VWF: variants seen among roughly 807,000 people sequenced by gnomAD.
VWF encodes Factor VIII related antigen.
A neutral mutation model predicts 308.6 loss-of-function variants in VWF; 176 were observed. The observed-to-expected ratio is 0.57, with a 90% CI of 0.50 to 0.65. VWF has a LOEUF of 0.65. VWF is among the 30% of genes least tolerant of loss of function. VWF has a pLI of 0.00. For synonymous variants in VWF, 1,385 were observed against 1,443.4 expected, an observed-to-expected ratio of 0.96 and a Z score of 0.92; for missense variants, 3,146 against 3,648.2, an observed-to-expected ratio of 0.86 and a Z score of 3.55.
intron 18 of VWF, among the ~76,000 whole-genome samples, chr12:6,037,953 T>C (rs216333): frequency 0.7 from 106,787 of 152,086 alleles, 37,743 homozygotes; most frequent in East Asian, 0.79. Flanking sequence ...CTGCTTAATG[T>C]CATCTTCACC....
chr12:6,019,865 G>T lies in VWF; in HGVS notation c.3675-122C>A. 1 of 1,144,598 alleles carries T rather than the reference G, an allele frequency of 8.7e-7. No homozygotes were observed. The highest frequency in any genetic ancestry group is 2.0e-5 in the Admixed American group (1 of 50,494). 70.9% of individuals were successfully genotyped at this position (1,144,598 alleles called of 1,614,324 possible). A position where few individuals can be genotyped will look rare whatever the true frequency, so the allele number is the denominator to read the frequency against. ...TCTCCTCTGTTCCACCTGAACTTGA[G>T]ATCCCATGGACCATTCCACATCCAA... On this transcript the variant is annotated intron_variant, in intron 27 of 51. Coordinates refer to ENST00000261405, the MANE Select transcript of VWF (RefSeq NM_000552.5). This position sits in a 1 kb window ranked among gnomAD's most constrained non-coding sequence, Gnocchi z 5.8.
At position 6,052,721 on chromosome 12, in the gene VWF, G is replaced by A. The variant is rs746961815; in HGVS notation, c.2008C>T (p.Arg670Cys). ...TCCTCATCCGGGTAAGAGAGAGAGC[G>A]GCAGGTCAGGTTGCAGGGGGTCCCG... is the stretch of plus-strand genomic sequence containing the variant. ...QCGTPCNLTC[R>C]SLSYPDEECN... is the part of the protein sequence containing the mutation. Residue 670 changes from arginine to cysteine, a missense_variant, in exon 16 of 52, where the codon CGC becomes TGC. By Grantham distance (180) the Arg-to-Cys change is radical. Coordinates refer to ENST00000261405, the MANE Select transcript of VWF (RefSeq NM_000552.5). The A allele has an allele frequency of 1.5e-5, 25 of 1,614,070 alleles. No individual in the cohort carries two copies. The highest frequency in any genetic ancestry group is 6.7e-5 in the East Asian group (3 of 44,886).
chr12:6,028,798 G>T (rs541565053), intron 22 of VWF, among the ~76,000 whole-genome samples: 7 of 152,316 alleles, frequency 4.6e-5, no homozygotes, highest in Admixed American at 1.3e-4. Context: ...ACCAGCCACT[G>T]CAAAAACATG....
At chr12:6,103,375 TGTGTATACAC>T (rs1945191361) in intron 5 of VWF, among the ~76,000 whole-genome samples, 1 of 139,400 alleles carries the variant, frequency 7.2e-6, no homozygotes, top group African/African-American at 2.9e-5. Context: ...TATGTGTGTG[TGTGTATACAC>T]GTGTGTGTAT....
intron 17 of VWF, among the ~76,000 whole-genome samples, chr12:6,044,737 T>C (rs1367049013): frequency 6.6e-6 from 1 of 152,190 alleles, no homozygotes; most frequent in Admixed American, 6.5e-5. Flanking sequence ...TATAGCAGGT[T>C]ACATTGAATC....
chr12:6,101,343 A>G (rs1421131894), intron 5 of VWF, among the ~76,000 whole-genome samples: 1 of 152,158 alleles, frequency 6.6e-6, no homozygotes, highest in Non-Finnish European at 1.5e-5. Flanking sequence ...AGCTGGGAAG[A>G]GATACACACA....
intron 34 of VWF, among the ~76,000 whole-genome samples, chr12:5,998,713 ATTTATT>A (rs904754225): frequency 5.9e-5 from 9 of 151,820 alleles, no homozygotes; most frequent in African/African-American, 9.7e-5. Context: ...CCCAAATTTT[ATTTATT>A]TTTATTTTTA....
chr12:6,032,402 G>A (rs1420159638), intron 20 of VWF, among the ~76,000 whole-genome samples: 3 of 151,748 alleles, frequency 2.0e-5, no homozygotes, highest in Non-Finnish European at 4.4e-5. Context: ...CACTTTGGGA[G>A]GCTGAGGCGG....
chr12:6,092,709 C>T (rs1945063404), intron 6 of VWF, among the ~76,000 whole-genome samples: 1 of 148,138 alleles, frequency 6.8e-6, no homozygotes, highest in South Asian at 2.2e-4. Context: ...AGACCACCAA[C>T]CACGGAATGG....
At chr12:6,073,836 C>G in intron 7 of VWF, 95 bp from the exon 8 acceptor site, 1 of 1,572,272 alleles carries the variant, frequency 6.4e-7, no homozygotes, top group Admixed American at 1.8e-5. Flanking sequence ...CGTGCCCACT[C>G]TGACTGCTCC....
intron 6 of VWF, among the ~76,000 whole-genome samples, chr12:6,076,675 T>C (rs1053282718): frequency 6.6e-6 from 1 of 152,166 alleles, no homozygotes; most frequent in African/African-American, 2.4e-5. Context: ...AAGGGTAAAC[T>C]GGAGCCAGTT....
At chr12:5,962,125 T>C (rs1180055330) in intron 47 of VWF, among the ~76,000 whole-genome samples, 1 of 152,142 alleles carries the variant, frequency 6.6e-6, no homozygotes, top group Non-Finnish European at 1.5e-5. Flanking sequence ...GTGAAAAAAT[T>C]AATTTCTGTT....
intron 3 of VWF, 65 bp downstream of exon 3, chr12:6,121,109 C>G: frequency 3.7e-6 from 6 of 1,606,406 alleles, no homozygotes; most frequent in Non-Finnish European, 5.1e-6. Context: ...GAATCCTCCC[C>G]CACACCAGGG....
At position 6,110,916 on chromosome 12, in the gene VWF, A is replaced by G. The variant is rs1321776726; in HGVS notation, c.273T>C (p.Phe91=). 1.2e-6 allele frequency: 2 copies of G among 1,614,202 alleles called. No homozygotes were observed. Among genetic ancestry groups the G allele is most frequent in the Non-Finnish European group, 1.7e-6 (2 of 1,180,042 alleles). The stretch of plus-strand genomic sequence containing the variant: ...CATTGACAAACAAATGGATGTCAAA[A>G]AATTCCCCAAGATACACGGAGAGGC... ...RVSLSVYLGE[F]FDIHLFVNGT... The change falls in exon 4 of 52, where the codon TTT becomes TTC. Residue 91 remains phenylalanine, a synonymous_variant. Coordinates refer to ENST00000261405, the MANE Select transcript of VWF (RefSeq NM_000552.5).
chr12:6,074,936 C>T (rs538297439), intron 7 of VWF, among the ~76,000 whole-genome samples: 1 of 152,300 alleles, frequency 6.6e-6, no homozygotes, highest in African/African-American at 2.4e-5. Flanking sequence ...AAGATCACCA[C>T]ACACGGACAG....
intron 18 of VWF, among the ~76,000 whole-genome samples, chr12:6,039,795 C>G (rs755948567): frequency 1.5e-4 from 23 of 152,166 alleles, no homozygotes; most frequent in Non-Finnish European, 3.1e-4. Context: ...TGGTGCCCAA[C>G]TCCTTCAGTC....
At chr12:6,049,431 C>T (rs1413693580) in intron 16 of VWF, among the ~76,000 whole-genome samples, 1 of 152,186 alleles carries the variant, frequency 6.6e-6, no homozygotes, top group Non-Finnish European at 1.5e-5. Flanking sequence ...CGCACCTTCT[C>T]CCACCTTCTC....
Position 6,063,771 on chromosome 12 carries a change from T to G in VWF, c.1432+475A>C, listed in dbSNP as rs968764794. ...CACAGTGCAACCCAGGTGAAGATAC[T>G]GGACAGGTAGGTTTTTTGCTACCTC... On this transcript the variant is annotated intron_variant, in intron 12 of 51. Transcript: ENST00000261405. The surrounding 1 kb of genome is among the most constrained non-coding windows in gnomAD (Gnocchi z 4.9). 6.6e-6 allele frequency among the ~76,000 whole-genome samples: 1 copy of G among 152,158 alleles called. No homozygotes were observed. Among genetic ancestry groups the G allele is most frequent in the Non-Finnish European group, 1.5e-5 (1 of 68,022 alleles).
In VWF at chr12:5,967,485, C is replaced by T; in HGVS notation, c.7887+1G>A. 6.2e-7 allele frequency: 1 copy of T among 1,614,092 alleles called. No homozygotes were observed. ...CTCGGTCCCCATTGAGCCTCTCTTA[C>T]CAGGGGGCAGGGGTTGCAGGTGGTC... On this transcript the variant is annotated splice_donor_variant, in intron 47 of 51. Coordinates refer to ENST00000261405, the MANE Select transcript of VWF (RefSeq NM_000552.5). LOFTEE classifies it high-confidence loss of function.
Sources: allele counts gnomAD v4.1 joint callset (sites outside exome capture counted in the v4.1 genomes callset), GRCh38; gene constraint gnomAD v4.1.1; non-coding constraint Gnocchi (gnomAD v3.1); transcripts MANE v1.5; gene names NCBI Gene and HGNC (gene_info 2026-07-23, HGNC 2026-07-21).